ZNF557: variants seen among roughly 807,000 people sequenced by gnomAD.
ZNF557 encodes zinc finger protein 557.
A neutral mutation model predicts 21.2 loss-of-function variants in ZNF557; 19 were observed. The observed-to-expected ratio is 0.90, with a 90% CI of 0.63 to 1.32. The LOEUF is 1.32. Ranked by LOEUF, ZNF557 falls within the 40% of genes most tolerant of loss-of-function variation. ZNF557 has a pLI of 0.00. For missense variants in ZNF557, 487 were observed against 519.8 expected (o/e 0.94, Z 0.61); for synonymous variants, 207 against 194.8 (o/e 1.06, Z -0.52).
chr19:7,073,435 C>T (rs1016620564), intron 2 of ZNF557, among the ~76,000 whole-genome samples: 2 of 152,034 alleles, frequency 1.3e-5, no homozygotes, highest in African/African-American at 2.4e-5. Flanking sequence ...GGATTGCAGG[C>T]GTGAGCCACT....
At chr19:7,080,704 A>G (rs188368570) in intron 5 of ZNF557, among the ~76,000 whole-genome samples, 504 of 152,322 alleles carry the variant, frequency 3.3e-3, no homozygotes, top group Non-Finnish European at 5.5e-3. Flanking sequence ...GTCAGTTAAA[A>G]TGTCACAAAT....
At chr19:7,078,035 A>G (rs938234522) in intron 5 of ZNF557, among the ~76,000 whole-genome samples, 3 of 152,128 alleles carry the variant, frequency 2.0e-5, no homozygotes, top group Admixed American at 6.6e-5. Flanking sequence ...AGTTCTTTAT[A>G]TGTTCTGCAT....
At chr19:7,077,659 A>G (rs780946126) in intron 5 of ZNF557, among the ~76,000 whole-genome samples, 2 of 152,190 alleles carry the variant, frequency 1.3e-5, no homozygotes, top group Non-Finnish European at 2.9e-5. Flanking sequence ...GTATATACCT[A>G]GGAGTGGAAC....
At chr19:7,079,313 C>G (rs1977646961) in intron 5 of ZNF557, among the ~76,000 whole-genome samples, 1 of 143,278 alleles carries the variant, frequency 7.0e-6, no homozygotes, top group Admixed American at 7.4e-5. Context: ...GCAATCTTGG[C>G]TAACTGCAAG....
intron 2 of ZNF557, among the ~76,000 whole-genome samples, chr19:7,074,183 T>G (rs1977522463): frequency 6.6e-6 from 1 of 151,992 alleles, no homozygotes; most frequent in East Asian, 1.9e-4. Context: ...TATTTTTATT[T>G]TTTTAGTAGA....
rs1035975271 is a variant in ZNF557, at chr19:7,087,933, T to C, written c.*4189T>C. On this transcript the variant is annotated 3_prime_UTR_variant, in exon 8 of 8. Coordinates refer to ENST00000252840, the MANE Select transcript of ZNF557 (RefSeq NM_024341.3). ...TCGACCTGACTTAGTGATAGAGGTA[T>C]ATTAAAGTCTTCCACTAGCATGGTA... The C allele has an allele frequency of 1.3e-5, 2 of 152,196 alleles. No homozygotes were observed. Among genetic ancestry groups the C allele is most frequent in the Non-Finnish European group, 2.9e-5 (2 of 68,022 alleles). 9.4% of individuals were successfully genotyped at this position (152,196 alleles called of 1,614,324 possible). A position where few individuals can be genotyped will look rare whatever the true frequency, so the allele number is the denominator to read the frequency against.
chr19:7,073,760 T>C (rs1977512857), intron 2 of ZNF557, among the ~76,000 whole-genome samples: 1 of 151,730 alleles, frequency 6.6e-6, no homozygotes, highest in African/African-American at 2.4e-5. Context: ...AGATTGGGGG[T>C]ATGGGGGTCA....
chr19:7,073,139 G>GTTC lies in ZNF557; in HGVS notation c.-79-1855_-79-1854insCTT, dbSNP rs1555729245. Among the ~76,000 whole-genome samples, 18 of 98,394 alleles carry GTTC rather than the reference G, an allele frequency of 1.8e-4. No homozygotes were observed. In the East Asian group the frequency reaches 4.4e-3, roughly 24 times the overall value. The allele number at this position is 98,394 out of a possible 152,430, so 64.6% of individuals were successfully genotyped here. On this transcript the variant is annotated intron_variant, in intron 2 of 7. Transcript: ENST00000252840. ...CTGTAGAGAAATAATACAGATATTTGTTTTTTTGGTTTTTTTTGTTTTTTT... is the reference window on the plus strand; with the variant it reads ...CTGTAGAGAAATAATACAGATATTTGTTCTTTTTTTGGTTTTTTTTGTTTTTTT...
At chr19:7,082,198 GAGGTC>G (rs67338199) in intron 7 of ZNF557, 146 bp downstream of exon 7, 518,403 of 581,596 alleles carry the variant, frequency 0.89, 232,376 homozygotes, top group East Asian at 1. Context: ...GTTGGATCAT[GAGGTC>G]AGGTCAGGAG....
intron 7 of ZNF557, among the ~76,000 whole-genome samples, chr19:7,082,345 C>T (rs1977728239): frequency 6.7e-6 from 1 of 149,142 alleles, no homozygotes. Context: ...ATCACTTGAA[C>T]CCTGGAGGTG....
intron 6 of ZNF557, 63 bp downstream of exon 6, chr19:7,081,518 G>A (rs1200710778): frequency 3.6e-6 from 4 of 1,102,500 alleles, no homozygotes; most frequent in Non-Finnish European, 5.5e-6. Context: ...TGAGAAGTTG[G>A]GAGTATTATA....
rs1977743744 is a variant in ZNF557, at chr19:7,082,953, A to C, written c.502A>C (p.Thr168Pro). 1 of 1,613,722 alleles carries C rather than the reference A, an allele frequency of 6.2e-7. No homozygotes were observed. The highest frequency in any genetic ancestry group is 1.1e-5 in the South Asian group (1 of 91,042). Residue 168 changes from threonine to proline, a missense_variant, in exon 8 of 8, where the codon ACA (threonine) becomes CCA (proline). By Grantham distance (38) the Thr-to-Pro change is conservative (BLOSUM62 -1). Transcript: ENST00000252840. ...AGTCTTCAGCACAAAATCTTCCCTT[A>C]CACGGCACAGGAAGATTCATACTGG... ...FKVFSTKSSL[T>P]RHRKIHTGER...
chr19:7,076,408 G>A lies in ZNF557; in HGVS notation c.148G>A (p.Val50Met). 4.3e-6 allele frequency: 7 copies of A among 1,614,196 alleles called. No homozygotes were observed. Among genetic ancestry groups the A allele is most frequent in the Non-Finnish European group, 5.9e-6 (7 of 1,180,042 alleles). ...CTTGGTGACCTTTGAGGATGTGGCC[G>A]TGGAGTTCACCCAGGAGGAGTGGGC... ...KGLVTFEDVAVEFTQEEWALL... is the reference protein window; with the variant it reads ...KGLVTFEDVAMEFTQEEWALL... Residue 50 changes from valine (V) to methionine (M), a missense_variant, in exon 5 of 8, where the codon GTG (valine) becomes ATG (methionine). Transcript: ENST00000252840.
At chr19:7,072,381 C>T (rs1018039360) in intron 2 of ZNF557, among the ~76,000 whole-genome samples, 1 of 150,550 alleles carries the variant, frequency 6.6e-6, no homozygotes, top group Admixed American at 6.6e-5. Context: ...GCCGAGATCT[C>T]ACCATTGTAC....
At chr19:7,075,342 T>C (rs889764716) in intron 3 of ZNF557, among the ~76,000 whole-genome samples, 1 of 152,218 alleles carries the variant, frequency 6.6e-6, no homozygotes, top group Non-Finnish European at 1.5e-5. Flanking sequence ...CCTTCAGTTC[T>C]TTCTGTGAAC....
Position 7,076,426 on chromosome 19 carries a change from G to A in ZNF557, c.166G>A (p.Glu56Lys). 1 of 1,614,200 alleles carries A rather than the reference G, an allele frequency of 6.2e-7. No individual in the cohort carries two copies. The stretch of plus-strand genomic sequence containing the variant: ...TGTGGCCGTGGAGTTCACCCAGGAG[G>A]AGTGGGCATTGCTGGACCCTGCCCA... ...EDVAVEFTQE[E>K]WALLDPAQRT... is the part of the protein sequence containing the mutation. The change falls in exon 5 of 8, where the codon GAG (glutamate) becomes AAG (lysine). Residue 56 changes from glutamate (E) to lysine (K), a missense_variant. Glu to Lys is a moderately conservative substitution (Grantham distance 56, BLOSUM62 1). Transcript: ENST00000252840.
chr19:7,073,148 G>GTTTT lies in ZNF557; in HGVS notation c.-79-1843_-79-1840dup, dbSNP rs72453814. On this transcript the variant is annotated intron_variant, in intron 2 of 7. Coordinates refer to ENST00000252840, the MANE Select transcript of ZNF557 (RefSeq NM_024341.3). ...AATAATACAGATATTTGTTTTTTTG[G>GTTTT]TTTTTTTTGTTTTTTTTTTTTTGAG... 2.1e-3 allele frequency among the ~76,000 whole-genome samples: 95 copies of GTTTT among 45,306 alleles called. 1 individual carries two copies. The highest frequency in any genetic ancestry group is 2.7e-3 in the Non-Finnish European group (51 of 18,750). The allele number at this position is 45,306 out of a possible 152,430, so 29.7% of individuals were successfully genotyped here.
At position 7,075,759 on chromosome 19, in the gene ZNF557, C is replaced by T. The variant is rs981826746; in HGVS notation, c.120+16C>T. 4 of 1,611,348 alleles carry T rather than the reference C, an allele frequency of 2.5e-6. No individual in the cohort carries two copies. The highest frequency in any genetic ancestry group is 3.4e-6 in the Non-Finnish European group (4 of 1,178,218). On this transcript the variant is annotated intron_variant, in intron 4 of 7. Coordinates refer to ENST00000252840, the MANE Select transcript of ZNF557 (RefSeq NM_024341.3). The stretch of plus-strand genomic sequence containing the variant: ...CTGGCTAAAGGTGAGTCGGATGTTC[C>T]TTTTTCCAAATCATGATTCCTTCAG...
intron 5 of ZNF557, 21 bp from the exon 6 acceptor site, chr19:7,081,339 G>A (rs1410612816): frequency 2.6e-6 from 4 of 1,561,670 alleles, no homozygotes; most frequent in Non-Finnish European, 3.5e-6. Flanking sequence ...CCTACATCAT[G>A]TGTCTTTTCT....
Sources: allele counts gnomAD v4.1 joint callset (sites outside exome capture counted in the v4.1 genomes callset), GRCh38; gene constraint gnomAD v4.1.1; transcripts MANE v1.5; gene names NCBI Gene and HGNC (gene_info 2026-07-23, HGNC 2026-07-21).